ABCB11: variants seen among roughly 807,000 people sequenced by gnomAD.
ABCB11 encodes bile salt export pump.
ABCB11 carries 95 observed loss-of-function variants against 148.0 expected under a neutral mutation model. The observed-to-expected ratio is 0.64, with a 90% confidence interval of 0.54 to 0.76. ABCB11 has a LOEUF of 0.76. Ranked by LOEUF, ABCB11 falls within the 30% of genes least tolerant of loss-of-function variation. ABCB11 has a pLI of 0.00. For synonymous variants in ABCB11, 591 were observed against 555.4 expected (o/e 1.06, Z -0.90); for missense variants, 1,523 against 1,617.8 (o/e 0.94, Z 1.01).
At chr2:168,952,378 A>AT (rs983429912) in intron 19 of ABCB11, among the ~76,000 whole-genome samples, 16 of 151,184 alleles carry the variant, frequency 1.1e-4, no homozygotes, top group African/African-American at 3.9e-4. Context: ...TTGTTAGGAA[A>AT]TTTTTTATTA....
At chr2:168,969,287 C>T (rs1477550577) in intron 16 of ABCB11, 63 bp downstream of exon 16, 40 of 1,443,832 alleles carry the variant, frequency 2.8e-5, no homozygotes, top group Non-Finnish European at 3.3e-5. Flanking sequence ...CATAGAAAAC[C>T]GTAAAGCACT....
chr2:169,030,943 GCCA>G (rs1367894568), intron 1 of ABCB11, among the ~76,000 whole-genome samples: 2 of 152,016 alleles, frequency 1.3e-5, no homozygotes, highest in African/African-American at 4.8e-5. Context: ...AATCTATTCG[GCCA>G]TTTGTACCAC....
chr2:168,976,233 C>T (rs1693897867), intron 12 of ABCB11, among the ~76,000 whole-genome samples: 1 of 152,096 alleles, frequency 6.6e-6, no homozygotes, highest in Non-Finnish European at 1.5e-5. Flanking sequence ...TGGGAAGAAC[C>T]TGTGCTTCCT....
intron 21 of ABCB11, among the ~76,000 whole-genome samples, chr2:168,937,197 T>A (rs1691872120): frequency 6.6e-6 from 1 of 152,230 alleles, no homozygotes; most frequent in African/African-American, 2.4e-5. Flanking sequence ...TCATTCCCTT[T>A]TAAAACTGAA....
intron 22 of ABCB11, 99 bp from the exon 23 acceptor site, chr2:168,935,524 T>C: frequency 6.9e-7 from 1 of 1,449,968 alleles, no homozygotes; most frequent in Non-Finnish European, 9.3e-7. Context: ...AATGGCAGAA[T>C]GTGGTACAAA....
intron 19 of ABCB11, among the ~76,000 whole-genome samples, chr2:168,950,887 C>T (rs1490066469): frequency 3.3e-5 from 5 of 151,622 alleles, no homozygotes; most frequent in African/African-American, 7.3e-5. Flanking sequence ...CCTAGGTTTT[C>T]TTCTAGTATT....
At position 168,943,296 on chromosome 2, in the gene ABCB11, G is replaced by A. The variant is rs78393306; in HGVS notation, c.2610+1309C>T. Among the ~76,000 whole-genome samples, 1,012 of 152,052 alleles carry A rather than the reference G, an allele frequency of 6.7e-3. 13 individuals carry two copies. The highest frequency in any genetic ancestry group is 0.023 in the African/African-American group (941 of 41,518). ...GAACAAAGTTTCTTTAAGCAGTTAT[G>A]CAATGCATATCAAAATCTTCCAAAA... is the stretch of plus-strand genomic sequence containing the variant. On this transcript the variant is annotated intron_variant, in intron 21 of 27. Transcript: ENST00000650372.
At chr2:168,970,579 C>A in intron 14 of ABCB11, 1 of 352,264 alleles carries the variant, frequency 2.8e-6, no homozygotes, top group South Asian at 2.3e-5. Context: ...TGTTAGACAA[C>A]ACAGCAAAAT....
chr2:168,979,176 C>T (rs114554850), intron 11 of ABCB11, among the ~76,000 whole-genome samples: 1,909 of 152,192 alleles, frequency 0.013, 21 homozygotes, highest in Middle Eastern at 0.044. Flanking sequence ...CAGCCTCTGC[C>T]CCTTGTTCAC....
At chr2:168,964,183 C>G (rs952420244) in intron 18 of ABCB11, 23 bp downstream of exon 18, 19 of 1,517,774 alleles carry the variant, frequency 1.3e-5, no homozygotes, top group Middle Eastern at 3.4e-4. Context: ...TCCATTCCCC[C>G]CCATAAGCAG....
chr2:168,964,190 G>A lies in ABCB11; in HGVS notation c.2178+16C>T, dbSNP rs1372034259. The stretch of plus-strand genomic sequence containing the variant: ...AGACTTCTTCCATTCCCCCCCATAA[G>A]CAGTTGGTGCCTGACCTTTCTATCT... On this transcript the variant is annotated intron_variant, in intron 18 of 27. Transcript: ENST00000650372. The A allele has an allele frequency of 2.0e-6, 3 of 1,532,590 alleles. No individual in the cohort carries two copies. The South Asian group carries it at 3.6e-5, about 18-fold the overall frequency. 94.9% of individuals were successfully genotyped at this position (1,532,590 alleles called of 1,614,324 possible). A position where few individuals can be genotyped will look rare whatever the true frequency, so the allele number is the denominator to read the frequency against.
chr2:168,984,546 G>A (rs1694250191), intron 10 of ABCB11, among the ~76,000 whole-genome samples: 2 of 152,040 alleles, frequency 1.3e-5, no homozygotes, highest in South Asian at 2.1e-4. Context: ...TATTGACCTG[G>A]CATTTTAGTA....
chr2:168,987,730 C>T (rs912093055), intron 9 of ABCB11, among the ~76,000 whole-genome samples: 2 of 152,140 alleles, frequency 1.3e-5, no homozygotes, highest in African/African-American at 4.8e-5. Context: ...TGTGCCCAGC[C>T]TGTTTGACCA....
chr2:169,000,020 A>G (rs1694825090), intron 5 of ABCB11, among the ~76,000 whole-genome samples: 1 of 152,136 alleles, frequency 6.6e-6, no homozygotes, highest in South Asian at 2.1e-4. Context: ...AGCCATTCCA[A>G]TAAGTCTATA....
intron 5 of ABCB11, among the ~76,000 whole-genome samples, chr2:169,005,309 C>T (rs1694986502): frequency 6.6e-6 from 1 of 151,976 alleles, no homozygotes. Flanking sequence ...AGAGAAAGAC[C>T]ACCATGTAGG....
intron 26 of ABCB11, among the ~76,000 whole-genome samples, chr2:168,925,743 G>A (rs560440199): frequency 1.3e-5 from 2 of 152,290 alleles, no homozygotes; most frequent in East Asian, 1.9e-4. Context: ...AGCCAGGTGA[G>A]ACCCATGAAA....
At chr2:168,945,668 G>A (rs1559192440) in intron 19 of ABCB11, among the ~76,000 whole-genome samples, 1 of 150,974 alleles carries the variant, frequency 6.6e-6, no homozygotes, top group African/African-American at 2.4e-5. Context: ...AGGGAAGGAA[G>A]GGAGGGAGGG....
intron 1 of ABCB11, 87 bp downstream of exon 1, chr2:169,031,138 T>C (rs944096741): frequency 1.3e-5 from 2 of 152,140 alleles, no homozygotes; most frequent in African/African-American, 4.8e-5. Context: ...AGACCAATGT[T>C]TAATAAACCA....
At chr2:169,011,385 T>C (rs1008327738) in intron 5 of ABCB11, among the ~76,000 whole-genome samples, 1 of 152,208 alleles carries the variant, frequency 6.6e-6, no homozygotes, top group Non-Finnish European at 1.5e-5. Flanking sequence ...TCCTCCCGCA[T>C]AAATGAAGGA....
Sources: gnomAD v4.1 joint callset for allele counts (sites outside exome capture counted in the v4.1 genomes callset) on GRCh38, gnomAD v4.1.1 for gene constraint, MANE v1.5 for transcripts, NCBI Gene and HGNC (gene_info 2026-07-23, HGNC 2026-07-21) for gene names.